NPTN: variants seen among roughly 807,000 people sequenced by gnomAD.
The protein encoded by NPTN is neuroplastin, also known as SDR-1.
In NPTN, 5 loss-of-function variants were observed where a neutral mutation model predicts 42.7. That is an observed-to-expected ratio of 0.12 (90% CI 0.06 to 0.25). The LOEUF (loss-of-function observed/expected upper bound fraction) is 0.25, where lower values mean the gene tolerates loss of function less well. NPTN is among the 10% of genes least tolerant of loss of function. NPTN has a pLI of 1.00. For missense variants in NPTN, 307 were observed against 525.4 expected (o/e 0.58, Z 4.06); for synonymous variants, 180 against 201.9 (o/e 0.89, Z 0.92).
chr15:73,572,791 A>G (rs184884371), intron 5 of NPTN, among the ~76,000 whole-genome samples: 1 of 152,328 alleles, frequency 6.6e-6, no homozygotes, highest in Non-Finnish European at 1.5e-5. Flanking sequence ...TCAGTGTCCT[A>G]TCCTGAAGGC....
chr15:73,602,426 A>C (rs1897119727), intron 1 of NPTN, among the ~76,000 whole-genome samples: 1 of 152,120 alleles, frequency 6.6e-6, no homozygotes, highest in Non-Finnish European at 1.5e-5. Context: ...CACACACACA[A>C]ATTCAAATCG....
At chr15:73,575,019 T>C (rs898102545) in intron 4 of NPTN, among the ~76,000 whole-genome samples, 1 of 152,266 alleles carries the variant, frequency 6.6e-6, no homozygotes, top group African/African-American at 2.4e-5. Context: ...GTTTCGCTCT[T>C]GTCGCCTAGG....
At position 73,597,125 on chromosome 15, in the gene NPTN, C is replaced by T; in HGVS notation, c.336G>A (p.Gly112=). ...CGTTGCTGGCCCTGCACTCGTAAGTCCCAGAGTCCTCCAAGGTGAGCCGGG... is the reference window on the plus strand; with the variant it reads ...CGTTGCTGGCCCTGCACTCGTAAGTTCCAGAGTCCTCCAAGGTGAGCCGGG... ...RITRLTLEDS[G]TYECRASNDP... is the part of the protein sequence containing the mutation. The change falls in exon 2 of 9, where the codon GGG becomes GGA. Residue 112 remains glycine, a synonymous_variant. Transcript: ENST00000345330. This position sits in a 1 kb window ranked among gnomAD's most constrained non-coding sequence, Gnocchi z 6.3. The T allele has an allele frequency of 6.2e-7, 1 of 1,614,114 alleles. No homozygotes were observed. Among genetic ancestry groups the T allele is most frequent in the Non-Finnish European group, 8.5e-7 (1 of 1,180,014 alleles).
At chr15:73,563,393 G>C in intron 6 of NPTN, 136 bp from the exon 7 acceptor site, 2 of 1,473,576 alleles carry the variant, frequency 1.4e-6, no homozygotes, top group Non-Finnish European at 1.8e-6. Flanking sequence ...TTTATTAAAG[G>C]CCATTCCATC....
chr15:73,564,518 A>G (rs998849481), intron 6 of NPTN, among the ~76,000 whole-genome samples: 2 of 152,238 alleles, frequency 1.3e-5, no homozygotes, highest in Admixed American at 1.3e-4. Flanking sequence ...ATGACTCATC[A>G]GCCAAAACAA....
chr15:73,564,097 G>A (rs895896331), intron 6 of NPTN, among the ~76,000 whole-genome samples: 1 of 152,138 alleles, frequency 6.6e-6, no homozygotes, highest in Non-Finnish European at 1.5e-5. Context: ...TAAGTCTTTC[G>A]TGTTTCAACT....
At chr15:73,584,662 C>T (rs1259765002) in intron 4 of NPTN, among the ~76,000 whole-genome samples, 1 of 151,580 alleles carries the variant, frequency 6.6e-6, no homozygotes, top group African/African-American at 2.4e-5. Flanking sequence ...CGGCCCTGCT[C>T]CATCTTCCTT....
At chr15:73,562,110 A>T (rs1344315274) in intron 7 of NPTN, 140 bp from the exon 8 acceptor site, 1 of 643,888 alleles carries the variant, frequency 1.6e-6, no homozygotes, top group Non-Finnish European at 2.8e-6. Context: ...ATGAGTGCAT[A>T]AAAAAACATT....
intron 4 of NPTN, among the ~76,000 whole-genome samples, chr15:73,586,345 A>C (rs1346431400): frequency 6.6e-6 from 1 of 152,226 alleles, no homozygotes; most frequent in Non-Finnish European, 1.5e-5. Flanking sequence ...AATGGGTAGA[A>C]ACCAAGGTTT....
At chr15:73,626,270 T>C (rs894268033) in intron 1 of NPTN, among the ~76,000 whole-genome samples, 11 of 152,232 alleles carry the variant, frequency 7.2e-5, no homozygotes, top group African/African-American at 2.7e-4. Context: ...GCAAGTTTAA[T>C]ATAAGATCTC....
intron 1 of NPTN, among the ~76,000 whole-genome samples, chr15:73,618,189 C>T (rs1360708184): frequency 6.6e-6 from 1 of 152,196 alleles, no homozygotes; most frequent in East Asian, 1.9e-4. Context: ...GAATTAATTT[C>T]CTTTGTGACT....
At chr15:73,605,686 C>G (rs1056145632) in intron 1 of NPTN, among the ~76,000 whole-genome samples, 2 of 150,854 alleles carry the variant, frequency 1.3e-5, no homozygotes, top group African/African-American at 2.4e-5. Context: ...GAGATCGCAC[C>G]ACTGCACTCC....
At chr15:73,592,871 G>A (rs903369272) in intron 2 of NPTN, among the ~76,000 whole-genome samples, 1 of 152,236 alleles carries the variant, frequency 6.6e-6, no homozygotes, top group South Asian at 2.1e-4. Context: ...GGTATTATGG[G>A]CTCCCAGAAT....
intron 1 of NPTN, among the ~76,000 whole-genome samples, chr15:73,607,842 C>A (rs1352023431): frequency 6.6e-6 from 1 of 152,152 alleles, no homozygotes; most frequent in African/African-American, 2.4e-5. Flanking sequence ...CAGACTGAGG[C>A]CTGAGACTGC....
intron 1 of NPTN, among the ~76,000 whole-genome samples, chr15:73,598,863 C>G (rs1366390844): frequency 2.0e-5 from 3 of 152,164 alleles, no homozygotes; most frequent in African/African-American, 7.2e-5. Context: ...GGAAAAATTC[C>G]TGTTTACATC....
chr15:73,608,027 C>A (rs1038864059), intron 1 of NPTN, among the ~76,000 whole-genome samples: 1 of 152,112 alleles, frequency 6.6e-6, no homozygotes, highest in African/African-American at 2.4e-5. Flanking sequence ...AAAGATTCTC[C>A]CAACAGCTGG....
intron 4 of NPTN, among the ~76,000 whole-genome samples, chr15:73,575,410 C>T (rs1895636502): frequency 1.3e-5 from 2 of 152,284 alleles, no homozygotes; most frequent in South Asian, 4.1e-4. Context: ...AGCCACCACG[C>T]CCAGCCGGGT....
chr15:73,610,445 T>C (rs1239477629), intron 1 of NPTN, among the ~76,000 whole-genome samples: 1 of 152,124 alleles, frequency 6.6e-6, no homozygotes, highest in Non-Finnish European at 1.5e-5. Flanking sequence ...TGCATATGAG[T>C]GAGAACATGC....
intron 1 of NPTN, among the ~76,000 whole-genome samples, chr15:73,608,076 A>G (rs1450097175): frequency 6.6e-6 from 1 of 152,194 alleles, no homozygotes; most frequent in African/African-American, 2.4e-5. Context: ...AGTAGCAAAA[A>G]CAGTTGCTAA....
Sources: gnomAD v4.1 joint callset for allele counts (sites outside exome capture counted in the v4.1 genomes callset) on GRCh38, gnomAD v4.1.1 for gene constraint, Gnocchi (gnomAD v3.1) non-coding constraint, MANE v1.5 for transcripts, NCBI Gene and HGNC (gene_info 2026-07-23, HGNC 2026-07-21) for gene names.